The following CDH3 variants were observed in gnomAD, a reference collection of about 807,000 sequenced individuals.
CDH3 encodes the protein cadherin 3, also known as cadherin-3.
CDH3 carries 54 observed loss-of-function variants against 82.0 expected under a neutral mutation model. That is an observed-to-expected ratio of 0.66 (90% CI 0.53 to 0.83). The LOEUF is 0.83. Ranked by LOEUF, CDH3 falls within the 40% of genes least tolerant of loss-of-function variation. The pLI is 0.00. For missense variants in CDH3, 1,054 were observed against 1,084.6 expected (o/e 0.97, Z 0.40); for synonymous variants, 446 against 437.9 (o/e 1.02, Z -0.23).
Position 68,678,267 on chromosome 16 carries a change from GA to G in CDH3, c.381del (p.Arg127SerfsTer2). The G allele has an allele frequency of 6.2e-7, 1 of 1,614,176 alleles. No homozygotes were observed. On this transcript the variant is annotated frameshift_variant, in exon 4 of 16. Coordinates refer to ENST00000264012, the MANE Select transcript of CDH3 (RefSeq NM_001793.6). LOFTEE classifies it high-confidence loss of function. ...PENGKGPFPQRLNQLKSNKDR... is the reference protein window; with the variant it reads ...PENGKGPFPQXLNQLKSNKDR... Reference sequence around the variant, plus strand: ...AATGGCAAGGGTCCCTTCCCCCAGAGACTGAATCAGGTACGACTGTGCCTTC... The same window carrying G: ...AATGGCAAGGGTCCCTTCCCCCAGAGCTGAATCAGGTACGACTGTGCCTTC...
intron 15 of CDH3, among the ~76,000 whole-genome samples, chr16:68,697,868 A>G (rs1220098777): frequency 6.6e-6 from 1 of 152,086 alleles, no homozygotes; most frequent in Admixed American, 6.6e-5. Flanking sequence ...GAAAAAAACT[A>G]TTGTCATTTT....
rs374095529 is a variant in CDH3 at position 68,667,079 on chromosome 16, C to T, written c.161-9306C>T. ...ACCCCTAGCAATATATAGCAGCACCCGGTTCCCAACTGTGACACAGCACTT... is the reference window on the plus strand; with the variant it reads ...ACCCCTAGCAATATATAGCAGCACCTGGTTCCCAACTGTGACACAGCACTT... On this transcript the variant is annotated intron_variant, in intron 2 of 15. Transcript: ENST00000264012. Among the ~76,000 whole-genome samples, 45 of 152,248 alleles carry T rather than the reference C, an allele frequency of 3.0e-4. No individual in the cohort carries two copies. The East Asian group carries it at 7.5e-3, about 25-fold the overall frequency.
chr16:68,705,794 G>T (rs1236630193), intron 1 of CDH3, among the ~76,000 whole-genome samples: 1 of 151,208 alleles, frequency 6.6e-6, no homozygotes, highest in African/African-American at 2.4e-5. Flanking sequence ...AGCCGGGCGC[G>T]GTGGCTCACG....
chr16:68,725,461 G>A (rs1468295005), intron 2 of CDH3, among the ~76,000 whole-genome samples: 1 of 151,912 alleles, frequency 6.6e-6, no homozygotes, highest in Non-Finnish European at 1.5e-5. Context: ...AGTCTCCGGA[G>A]TAGCTGGGAC....
chr16:68,682,188 T>A, intron 8 of CDH3, 114 bp from the exon 9 acceptor site: 4 of 1,215,260 alleles, frequency 3.3e-6, no homozygotes, highest in Non-Finnish European at 4.7e-6. Flanking sequence ...GGGTGGGTGG[T>A]CCAGGAAAGG....
intron 12 of CDH3, 151 bp downstream of exon 12, chr16:68,687,887 T>G: frequency 1.5e-6 from 1 of 674,380 alleles, no homozygotes. Context: ...ATGCTATTTA[T>G]TAACCTGGTG....
At chr16:68,708,609 CTTTCTTTCTTTTCT>C (rs1485975278) in intron 1 of CDH3, among the ~76,000 whole-genome samples, 3 of 151,710 alleles carry the variant, frequency 2.0e-5, no homozygotes, top group Admixed American at 6.6e-5. Flanking sequence ...TCTTTTCTGT[CTTTCTTTCTTTTCT>C]TTTCTTTCTT....
At chr16:68,732,401 G>T (rs933603650), downstream of CDH3, among the ~76,000 whole-genome samples, 1 of 152,244 alleles carries the variant, frequency 6.6e-6, no homozygotes, top group East Asian at 1.9e-4. Flanking sequence ...ACTGCCTGAA[G>T]GATTAATCTT....
chr16:68,698,313 C>T lies in CDH3; in HGVS notation c.2403C>T (p.Asp801=). 1 of 1,614,238 alleles carries T rather than the reference C, an allele frequency of 6.2e-7. No homozygotes were observed. The highest frequency in any genetic ancestry group is 8.5e-7 in the Non-Finnish European group (1 of 1,180,032). The change falls in exon 16 of 16, where the codon GAC becomes GAT. Residue 801 remains aspartate (D), a synonymous_variant. Transcript: ENST00000264012. Reference sequence around the variant, plus strand: ...GCTCCCTCACCTCCTCCGCCTCCGACCAAGACCAAGATTACGATTATCTGA... The same window carrying T: ...GCTCCCTCACCTCCTCCGCCTCCGATCAAGACCAAGATTACGATTATCTGA... ...SLSSLTSSAS[D]QDQDYDYLNE... is the part of the protein sequence containing the mutation.
intron 1 of CDH3, among the ~76,000 whole-genome samples, chr16:68,720,265 TAA>T (rs771951284): frequency 9.3e-5 from 13 of 139,490 alleles, no homozygotes; most frequent in Non-Finnish European, 7.9e-5. Context: ...GAGGGGAGGC[TAA>T]AAAAAAAAAA....
chr16:68,671,672 C>T (rs1200778581), intron 2 of CDH3, among the ~76,000 whole-genome samples: 3 of 152,008 alleles, frequency 2.0e-5, no homozygotes, highest in Admixed American at 1.3e-4. Context: ...CAGGCGCAGG[C>T]CACCATGCCC....
At chr16:68,700,489 T>G (rs571405072), downstream of CDH3, among the ~76,000 whole-genome samples, 2 of 152,262 alleles carry the variant, frequency 1.3e-5, no homozygotes, top group African/African-American at 2.4e-5. Context: ...GCCTCAGACT[T>G]TGGATGGAGA....
intron 2 of CDH3, among the ~76,000 whole-genome samples, chr16:68,724,531 G>A (rs8045320): frequency 0.81 from 121,979 of 151,466 alleles, 49,881 homozygotes; most frequent in Non-Finnish European, 0.89. Context: ...GGAGGCTGAC[G>A]CAGGAGAATC....
intron 2 of CDH3, among the ~76,000 whole-genome samples, chr16:68,654,379 AATTTTTTTTTTTTTTTT>A (rs1960346890): frequency 2.8e-5 from 2 of 71,542 alleles, no homozygotes; most frequent in Admixed American, 1.7e-4. Flanking sequence ...TTTTTAAATT[AATTTTTTTTTTTTTTTT>A]TTTTTTTTTT....
At chr16:68,708,622 C>A (rs78326451) in intron 1 of CDH3, among the ~76,000 whole-genome samples, 3 of 151,346 alleles carry the variant, frequency 2.0e-5, no homozygotes, top group South Asian at 2.1e-4. Context: ...TCTTTCTTTT[C>A]TTTTCTTTCT....
Position 68,709,058 on chromosome 16 carries a change from T to G in CDH3, c.99+13135T>G, listed in dbSNP as rs184616255. Among the ~76,000 whole-genome samples the G allele has an allele frequency of 7.2e-5, 11 of 151,902 alleles. No homozygotes were observed. In the East Asian group the frequency reaches 2.1e-3, roughly 30 times the overall value. On this transcript the variant is annotated intron_variant, in intron 1 of 2. Coordinates refer to the CDH3 transcript ENST00000569080. ...CCTCCCAAAGTGCTGGGAGTACAGG[T>G]GTGAGCCACTGCACCCAGCCTATTT...
chr16:68,673,835 G>A (rs1014609450), intron 2 of CDH3, among the ~76,000 whole-genome samples: 5 of 152,078 alleles, frequency 3.3e-5, no homozygotes, highest in African/African-American at 1.2e-4. Flanking sequence ...TGAGGCATGA[G>A]AATCGCTTGA....
At chr16:68,672,341 A>G (rs1960909467) in intron 2 of CDH3, among the ~76,000 whole-genome samples, 1 of 152,056 alleles carries the variant, frequency 6.6e-6, no homozygotes, top group Non-Finnish European at 1.5e-5. Context: ...TTGTTTTACT[A>G]TCATAGTATA....
chr16:68,688,941 A>G (rs1281983532), intron 12 of CDH3, among the ~76,000 whole-genome samples: 1 of 152,188 alleles, frequency 6.6e-6, no homozygotes, highest in African/African-American at 2.4e-5. Flanking sequence ...TAATCTAGGC[A>G]GTCTCACTCA....
Sources: allele counts gnomAD v4.1 joint callset (sites outside exome capture counted in the v4.1 genomes callset), GRCh38; gene constraint gnomAD v4.1.1; transcripts MANE v1.5; gene names NCBI Gene and HGNC (gene_info 2026-07-23, HGNC 2026-07-21).